Variants in DDX10 observed in about 807,000 individuals in gnomAD.
The protein encoded by DDX10 is DEAD-box helicase 10.
DDX10 carries 74 observed loss-of-function variants against 104.3 expected under a neutral mutation model. The observed-to-expected ratio is 0.71, with a 90% confidence interval of 0.59 to 0.86. The LOEUF (loss-of-function observed/expected upper bound fraction) is 0.86. Among genes scored for constraint, DDX10 ranks in the 40% least tolerant of loss-of-function variants. The pLI is 0.00. For synonymous variants in DDX10, 351 were observed against 353.4 expected, an observed-to-expected ratio of 0.99 and a Z score of 0.08; for missense variants, 952 against 1,040.0, an observed-to-expected ratio of 0.92 and a Z score of 1.16.
At chr11:108,925,645 G>A (rs967143073) in intron 17 of DDX10, among the ~76,000 whole-genome samples, 2 of 152,114 alleles carry the variant, frequency 1.3e-5, no homozygotes, top group Non-Finnish European at 2.9e-5. Context: ...TAAGTTCCTT[G>A]TCTACCTCCC....
chr11:108,818,886 G>A (rs1591826567), intron 13 of DDX10, among the ~76,000 whole-genome samples: 2 of 152,224 alleles, frequency 1.3e-5, no homozygotes, highest in East Asian at 3.9e-4. Flanking sequence ...GAGATGGATG[G>A]CAATTATTTT....
intron 13 of DDX10, among the ~76,000 whole-genome samples, chr11:108,803,518 C>T (rs1862053690): frequency 6.7e-6 from 1 of 148,276 alleles, no homozygotes; most frequent in East Asian, 2.0e-4. Flanking sequence ...TGCTTGAACC[C>T]AGGAGGCAGA....
At chr11:108,680,420 G>T (rs912722728) in intron 6 of DDX10, among the ~76,000 whole-genome samples, 33 of 152,096 alleles carry the variant, frequency 2.2e-4, no homozygotes, top group African/African-American at 7.7e-4. Flanking sequence ...TTACTACATT[G>T]CCCAGGCTGG....
chr11:108,808,585 A>G (rs976618322), intron 13 of DDX10, among the ~76,000 whole-genome samples: 1 of 152,098 alleles, frequency 6.6e-6, no homozygotes, highest in Non-Finnish European at 1.5e-5. Flanking sequence ...AAACCAGAAA[A>G]TAAGTGATCA....
intron 11 of DDX10, 139 bp from the exon 12 acceptor site, chr11:108,719,658 A>C: frequency 1.9e-6 from 1 of 538,376 alleles, no homozygotes. Context: ...TCATGTGTGC[A>C]TGGAATGGAG....
intron 16 of DDX10, among the ~76,000 whole-genome samples, chr11:108,913,262 A>G (rs1015221216): frequency 1.3e-5 from 2 of 152,112 alleles, no homozygotes; most frequent in Non-Finnish European, 2.9e-5. Flanking sequence ...GATTCAGTCC[A>G]GAAAGGCAGG....
At position 108,706,837 on chromosome 11, in the gene DDX10, A is replaced by T. The variant is rs1194369650; in HGVS notation, c.1322A>T (p.Lys441Ile). 6 of 1,611,812 alleles carry T rather than the reference A, an allele frequency of 3.7e-6. No homozygotes were observed. The highest frequency in any genetic ancestry group is 3.3e-4 in the Middle Eastern group (2 of 6,044). The change falls in exon 10 of 18, where the codon AAA (lysine) becomes ATA (isoleucine). Residue 441 changes from lysine to isoleucine, a missense_variant and splice_region_variant. Transcript: ENST00000322536. ...LQKKVPVKEI[K>I]INPEKLIDVQ... Reference sequence around the variant, plus strand: ...AAGAAAGTACCTGTGAAGGAAATCAAGTAAGAGCTACTTGTTGTCTTTATG... The same window carrying T: ...AAGAAAGTACCTGTGAAGGAAATCATGTAAGAGCTACTTGTTGTCTTTATG...
At chr11:108,859,745 T>A (rs1225200414) in intron 16 of DDX10, among the ~76,000 whole-genome samples, 1 of 152,202 alleles carries the variant, frequency 6.6e-6, no homozygotes, top group East Asian at 1.9e-4. Context: ...ATTATGTGGC[T>A]GAGTCTGTGT....
At chr11:108,780,655 C>T (rs1189224570) in intron 13 of DDX10, among the ~76,000 whole-genome samples, 1 of 152,168 alleles carries the variant, frequency 6.6e-6, no homozygotes, top group African/African-American at 2.4e-5. Flanking sequence ...TATAACAACA[C>T]ATTGAAATAA....
chr11:108,833,282 A>T (rs1223568022), intron 13 of DDX10, among the ~76,000 whole-genome samples: 1 of 152,088 alleles, frequency 6.6e-6, no homozygotes, highest in Non-Finnish European at 1.5e-5. Flanking sequence ...TATTCTGTGT[A>T]TTTTTTCTAA....
At chr11:108,914,457 C>G (rs1863719126) in intron 16 of DDX10, among the ~76,000 whole-genome samples, 1 of 152,018 alleles carries the variant, frequency 6.6e-6, no homozygotes, top group Non-Finnish European at 1.5e-5. Context: ...AGGGGAGACC[C>G]ATAGGAAACT....
At chr11:108,820,760 T>C (rs1489238418) in intron 13 of DDX10, among the ~76,000 whole-genome samples, 1 of 152,234 alleles carries the variant, frequency 6.6e-6, no homozygotes, top group Non-Finnish European at 1.5e-5. Flanking sequence ...GCTCATGGTC[T>C]AGGCTGCCCA....
At chr11:108,900,259 G>A (rs539465050) in intron 16 of DDX10, among the ~76,000 whole-genome samples, 101 of 152,296 alleles carry the variant, frequency 6.6e-4, no homozygotes, top group Admixed American at 1.5e-3. Flanking sequence ...CTGCAGAATT[G>A]TGAGCCAATT....
At chr11:108,722,719 C>T (rs1253580215) in intron 12 of DDX10, among the ~76,000 whole-genome samples, 6 of 152,204 alleles carry the variant, frequency 3.9e-5, no homozygotes, top group Non-Finnish European at 8.8e-5. Flanking sequence ...AGGTCTAGTA[C>T]TTGAACTGTT....
Position 108,673,510 on chromosome 11 carries a change from C to T in DDX10, c.230C>T (p.Ser77Phe). 6.3e-7 allele frequency: 1 copy of T among 1,595,532 alleles called. No individual in the cohort carries two copies. Among genetic ancestry groups the T allele is most frequent in the Non-Finnish European group, 8.6e-7 (1 of 1,165,402 alleles). ...ACAAGATTTTCAGATTTTCCCTTGTCCAAAAAAACATTGAAAGGTAAGTAT... is the reference window on the plus strand; with the variant it reads ...ACAAGATTTTCAGATTTTCCCTTGTTCAAAAAAACATTGAAAGGTAAGTAT... Reference protein sequence around the residue: ...EITRFSDFPLSKKTLKGLQEA... With the variant: ...EITRFSDFPLFKKTLKGLQEA... Residue 77 changes from serine to phenylalanine, a missense_variant, in exon 2 of 18, where the codon TCC (serine) becomes TTC (phenylalanine). Around this residue, in one of 3 missense-constraint regions of DDX10, gnomAD observed 412 missense variants for 479.2 expected, o/e 0.86. Coordinates refer to ENST00000322536, the MANE Select transcript of DDX10 (RefSeq NM_004398.4).
intron 16 of DDX10, among the ~76,000 whole-genome samples, chr11:108,901,357 C>G (rs1470943370): frequency 6.6e-6 from 1 of 152,140 alleles, no homozygotes; most frequent in Non-Finnish European, 1.5e-5. Context: ...AGACAATAAG[C>G]CCATTGTTCT....
rs767606534 is a variant in DDX10 at position 108,691,932 on chromosome 11, A to T, written c.1032A>T (p.Ala344=). The T allele has an allele frequency of 6.2e-7, 1 of 1,613,670 alleles. No individual in the cohort carries two copies. Among genetic ancestry groups the T allele is most frequent in the African/African-American group, 1.3e-5 (1 of 74,770 alleles). The part of the protein sequence containing the change: ...CRLRPGVSIL[A]LHGRQQQMRR... ...TACGTCCTGGTGTTTCTATCCTTGC[A>T]CTCCATGGTCGACAGCAGCAAATGA... Residue 344 remains alanine (A), a synonymous_variant, in exon 8 of 18, where the codon GCA becomes GCT. Transcript: ENST00000322536.
chr11:108,750,968 G>A (rs58550102), intron 13 of DDX10, among the ~76,000 whole-genome samples: 3 of 85,802 alleles, frequency 3.5e-5, no homozygotes, highest in Non-Finnish European at 6.5e-5. Flanking sequence ...TTTTTTTAGA[G>A]ATGGGCTTTC....
At chr11:108,801,413 C>T (rs943696276) in intron 13 of DDX10, among the ~76,000 whole-genome samples, 7 of 152,128 alleles carry the variant, frequency 4.6e-5, no homozygotes, top group African/African-American at 1.4e-4. Flanking sequence ...TTTCAAAGTT[C>T]TCAACTTATG....
Sources: gnomAD v4.1 joint callset for allele counts (sites outside exome capture counted in the v4.1 genomes callset) on GRCh38, gnomAD v4.1.1 for gene constraint, gnomAD v4.1.1 regional missense constraint, MANE v1.5 for transcripts, NCBI Gene and HGNC (gene_info 2026-07-23, HGNC 2026-07-21) for gene names.